MAML3: variants seen among roughly 807,000 people sequenced by gnomAD.
MAML3 encodes the protein mastermind-like protein 3.
Under a neutral mutation model 101.9 loss-of-function variants are expected in MAML3, and 27 were observed. The observed-to-expected ratio is 0.27, with a 90% CI of 0.20 to 0.37. MAML3 has a LOEUF of 0.37. MAML3 is among the 10% of genes least tolerant of loss of function. The pLI is 1.00. For missense variants in MAML3, 1,316 were observed against 1,444.9 expected, an observed-to-expected ratio of 0.91 and a Z score of 1.45; for synonymous variants, 501 against 555.9, an observed-to-expected ratio of 0.90 and a Z score of 1.39.
chr4:140,005,893 C>CT (rs1378810342), intron 1 of MAML3, among the ~76,000 whole-genome samples: 1 of 152,236 alleles, frequency 6.6e-6, no homozygotes. Flanking sequence ...AATCTGATCT[C>CT]TCTCAAATCA....
intron 1 of MAML3, among the ~76,000 whole-genome samples, chr4:139,951,830 A>G (rs1733836432): frequency 6.6e-6 from 1 of 151,842 alleles, no homozygotes; most frequent in Admixed American, 6.6e-5. Flanking sequence ...AAGGGGGGCC[A>G]AGGGGTGAAG....
At chr4:140,024,040 G>A (rs1393172644) in intron 1 of MAML3, among the ~76,000 whole-genome samples, 1 of 152,136 alleles carries the variant, frequency 6.6e-6, no homozygotes, top group African/African-American at 2.4e-5. Flanking sequence ...TCATCTACAT[G>A]CCTAGTATGT....
At chr4:139,763,458 G>C (rs1245227995) in intron 2 of MAML3, among the ~76,000 whole-genome samples, 1 of 152,164 alleles carries the variant, frequency 6.6e-6, no homozygotes, top group East Asian at 1.9e-4. Context: ...TCAAACATGT[G>C]AGTTCCCTGC....
intron 2 of MAML3, among the ~76,000 whole-genome samples, chr4:139,739,720 T>TAA (rs59259375): frequency 0.02 from 2,702 of 134,136 alleles, 66 homozygotes; most frequent in East Asian, 0.11. Context: ...GTGTTAAAAC[T>TAA]AAAAAAAAAA....
intron 2 of MAML3, among the ~76,000 whole-genome samples, chr4:139,887,192 T>A (rs1447097553): frequency 6.6e-6 from 1 of 152,222 alleles, no homozygotes; most frequent in East Asian, 1.9e-4. Flanking sequence ...CACAATCAGA[T>A]AAAAACAAGA....
At chr4:139,936,080 GGA>G (rs1186830053) in intron 1 of MAML3, among the ~76,000 whole-genome samples, 1 of 151,906 alleles carries the variant, frequency 6.6e-6, no homozygotes, top group Non-Finnish European at 1.5e-5. Context: ...CTACTCTATC[GGA>G]GTTAGATTCC....
chr4:139,720,576 T>G (rs1728194829), intron 4 of MAML3, among the ~76,000 whole-genome samples: 1 of 152,232 alleles, frequency 6.6e-6, no homozygotes, highest in Non-Finnish European at 1.5e-5. Context: ...AGATGATCAT[T>G]CCTATTCTTT....
At chr4:139,823,715 C>T (rs1376625520) in intron 2 of MAML3, among the ~76,000 whole-genome samples, 3 of 151,540 alleles carry the variant, frequency 2.0e-5, no homozygotes, top group Non-Finnish European at 4.4e-5. Context: ...ATGTAATTTA[C>T]ACTCATTCAT....
chr4:140,010,362 T>G (rs1028975121), intron 1 of MAML3, among the ~76,000 whole-genome samples: 1 of 152,202 alleles, frequency 6.6e-6, no homozygotes, highest in Non-Finnish European at 1.5e-5. Flanking sequence ...CACACACACA[T>G]ATTTATGTTT....
chr4:139,942,632 CTTTT>C (rs760397954), intron 1 of MAML3, among the ~76,000 whole-genome samples: 1 of 144,380 alleles, frequency 6.9e-6, no homozygotes, highest in Non-Finnish European at 1.5e-5. Flanking sequence ...AATTTCATTA[CTTTT>C]TTTTTTTTTG....
At chr4:139,813,858 G>C (rs1306192775) in intron 2 of MAML3, among the ~76,000 whole-genome samples, 1 of 152,148 alleles carries the variant, frequency 6.6e-6, no homozygotes, top group Non-Finnish European at 1.5e-5. Flanking sequence ...TGTATTGAGA[G>C]AAGATTCACC....
intron 1 of MAML3, among the ~76,000 whole-genome samples, chr4:140,120,775 G>C (rs2111024737): frequency 6.6e-6 from 1 of 152,222 alleles, no homozygotes; most frequent in African/African-American, 2.4e-5. Context: ...AAACAGATAG[G>C]GAAAAGGTGT....
At chr4:139,805,599 G>A (rs577317632) in intron 2 of MAML3, among the ~76,000 whole-genome samples, 1 of 152,296 alleles carries the variant, frequency 6.6e-6, no homozygotes, top group Non-Finnish European at 1.5e-5. Flanking sequence ...AAAAAGACTT[G>A]AGTGAATGGA....
intron 1 of MAML3, among the ~76,000 whole-genome samples, chr4:140,104,240 G>T (rs1469226278): frequency 6.8e-6 from 1 of 148,142 alleles, no homozygotes; most frequent in Non-Finnish European, 1.5e-5. Flanking sequence ...TAAAAAATTA[G>T]CCAGGCATGG....
rs138269996 is a variant in MAML3, at chr4:140,135,539, G to A, written c.468+17321C>T. Among the ~76,000 whole-genome samples the A allele has an allele frequency of 2.6e-5, 4 of 152,380 alleles. No homozygotes were observed. In the East Asian group the frequency reaches 7.7e-4, roughly 29 times the overall value. ...TGATTAGTGACCAAAGTAAGGAGGA[G>A]TGAATGTTTTCCAAGCATGAGCTTT... On this transcript the variant is annotated intron_variant, in intron 1 of 4. Transcript: ENST00000509479.
intron 1 of MAML3, among the ~76,000 whole-genome samples, chr4:139,998,415 G>A (rs1205164082): frequency 6.6e-6 from 1 of 152,042 alleles, no homozygotes; most frequent in Non-Finnish European, 1.5e-5. Flanking sequence ...ATTCAGTATT[G>A]TTATACTTTC....
chr4:140,049,371 T>C (rs945954759), intron 1 of MAML3, among the ~76,000 whole-genome samples: 2 of 152,082 alleles, frequency 1.3e-5, no homozygotes, highest in South Asian at 4.1e-4. Flanking sequence ...CAGGATGCTA[T>C]TGGTTCAGCT....
intron 1 of MAML3, among the ~76,000 whole-genome samples, chr4:140,083,508 T>C (rs113088365): frequency 2.0e-5 from 3 of 152,296 alleles, no homozygotes; most frequent in East Asian, 1.9e-4. Context: ...CAGATGGATA[T>C]GTTCCTTGTT....
chr4:139,943,015 T>C (rs1733636137), intron 1 of MAML3, among the ~76,000 whole-genome samples: 1 of 152,248 alleles, frequency 6.6e-6, no homozygotes, highest in African/African-American at 2.4e-5. Flanking sequence ...AAAAGCCATA[T>C]AATTTTAAAC....
Sources: allele counts gnomAD v4.1 joint callset (sites outside exome capture counted in the v4.1 genomes callset), GRCh38; gene constraint gnomAD v4.1.1; transcripts MANE v1.5; gene names NCBI Gene and HGNC (gene_info 2026-07-23, HGNC 2026-07-21).